Variants in TMEM135 observed in about 807,000 individuals in gnomAD.
TMEM135 encodes the protein peroxisomal membrane protein 52.
In TMEM135, 30 loss-of-function variants were observed where a neutral mutation model predicts 60.3. The ratio of observed to expected loss-of-function variants is 0.50; its 90% CI spans 0.37 to 0.68. TMEM135 has a LOEUF of 0.68. Among genes scored for constraint, TMEM135 ranks in the 30% least tolerant of loss-of-function variants. TMEM135 has a pLI of 0.00. For missense variants in TMEM135, 468 were observed against 548.8 expected, an observed-to-expected ratio of 0.85 and a Z score of 1.47; for synonymous variants, 190 against 186.7, an observed-to-expected ratio of 1.02 and a Z score of -0.14.
chr11:87,166,042 A>G (rs1305367706), intron 5 of TMEM135, among the ~76,000 whole-genome samples: 1 of 151,360 alleles, frequency 6.6e-6, no homozygotes, highest in African/African-American at 2.4e-5. Context: ...TAAACCAGGA[A>G]GAAGTTGAAT....
At chr11:87,094,333 GTC>G (rs1265872272) in intron 4 of TMEM135, among the ~76,000 whole-genome samples, 1 of 151,996 alleles carries the variant, frequency 6.6e-6, no homozygotes, top group East Asian at 1.9e-4. Flanking sequence ...CTTATTATTT[GTC>G]TCTCATTTTC....
intron 5 of TMEM135, among the ~76,000 whole-genome samples, chr11:87,203,330 C>G (rs1004059134): frequency 2.6e-5 from 4 of 151,938 alleles, no homozygotes; most frequent in African/African-American, 7.2e-5. Flanking sequence ...TATTTTTGCT[C>G]CCTCAAAAAT....
intron 6 of TMEM135, among the ~76,000 whole-genome samples, chr11:87,280,263 A>G (rs771401679): frequency 3.0e-4 from 46 of 152,224 alleles, no homozygotes; most frequent in Non-Finnish European, 5.0e-4. Flanking sequence ...AAAATAAACA[A>G]TGGAGTGAGA....
chr11:87,198,127 G>A (rs980887866), intron 5 of TMEM135, among the ~76,000 whole-genome samples: 3 of 152,024 alleles, frequency 2.0e-5, no homozygotes, highest in East Asian at 1.9e-4. Flanking sequence ...ACATAATACT[G>A]TTGCTAAATA....
At chr11:87,305,667 G>T (rs1028327498) in intron 8 of TMEM135, among the ~76,000 whole-genome samples, 2 of 151,934 alleles carry the variant, frequency 1.3e-5, no homozygotes, top group South Asian at 4.2e-4. Flanking sequence ...CCAGCTACTC[G>T]GGAGGCTGAG....
intron 5 of TMEM135, among the ~76,000 whole-genome samples, chr11:87,209,771 A>G (rs1427580484): frequency 6.6e-6 from 1 of 152,190 alleles, no homozygotes; most frequent in Non-Finnish European, 1.5e-5. Context: ...ATGCTTGGCC[A>G]TAAAGCAAGT....
At position 87,327,353 on chromosome 11, in the gene TMEM135, A is replaced by G. The variant is rs1477866230; in HGVS notation, c.*6020A>G. 4.4e-6 allele frequency: 2 copies of G among 453,764 alleles called. No individual in the cohort carries two copies. Among genetic ancestry groups the G allele is most frequent in the African/African-American group, 4.0e-5 (2 of 49,930 alleles). 28.1% of individuals were successfully genotyped at this position (453,764 alleles called of 1,614,324 possible). ...ATGAAAAGTACAAACATGAAAAACC[A>G]GCATATTAAAGATGCCAGGTCAGAA... On this transcript the variant is annotated 3_prime_UTR_variant, in exon 15 of 15. Coordinates refer to ENST00000305494, the MANE Select transcript of TMEM135 (RefSeq NM_022918.4).
At chr11:87,240,129 C>T (rs1043149143) in intron 6 of TMEM135, among the ~76,000 whole-genome samples, 3 of 152,044 alleles carry the variant, frequency 2.0e-5, no homozygotes, top group African/African-American at 7.2e-5. Flanking sequence ...AGCTGGCCTG[C>T]CAGCCATGTA....
intron 4 of TMEM135, among the ~76,000 whole-genome samples, chr11:87,092,790 G>A (rs1490474190): frequency 2.8e-5 from 1 of 35,456 alleles, no homozygotes; most frequent in African/African-American, 1.7e-4. Context: ...TTTGTTCTCT[G>A]TGGTTACTTT....
chr11:87,318,846 T>C (rs1366326279), intron 13 of TMEM135, among the ~76,000 whole-genome samples: 2 of 151,896 alleles, frequency 1.3e-5, no homozygotes, highest in Admixed American at 6.6e-5. Context: ...TTCACTTAAT[T>C]ATTATTTCAA....
chr11:87,087,603 C>A lies in TMEM135; in HGVS notation c.363-3759C>A, dbSNP rs577033913. 3.3e-5 allele frequency among the ~76,000 whole-genome samples: 5 copies of A among 152,214 alleles called. No individual in the cohort carries two copies. The South Asian group carries it at 1.0e-3, about 32-fold the overall frequency. On this transcript the variant is annotated intron_variant, in intron 3 of 14. Coordinates refer to ENST00000305494, the MANE Select transcript of TMEM135 (RefSeq NM_022918.4). Reference sequence around the variant, plus strand: ...TGTTACAAACAAGTCATGATAGGACCGAGTTGTTTGCAGAATAAACTTCAG... The same window carrying A: ...TGTTACAAACAAGTCATGATAGGACAGAGTTGTTTGCAGAATAAACTTCAG...
At chr11:87,303,773 C>G (rs1009567854) in intron 8 of TMEM135, among the ~76,000 whole-genome samples, 2 of 152,024 alleles carry the variant, frequency 1.3e-5, no homozygotes, top group African/African-American at 4.8e-5. Context: ...TTTGGGTTAC[C>G]TCAGTGGAGA....
At chr11:87,171,245 C>A (rs1471276178) in intron 5 of TMEM135, among the ~76,000 whole-genome samples, 2 of 151,998 alleles carry the variant, frequency 1.3e-5, no homozygotes, top group East Asian at 3.9e-4. Flanking sequence ...TTATAATTAT[C>A]CAGCTCATTC....
intron 5 of TMEM135, among the ~76,000 whole-genome samples, chr11:87,231,413 A>C (rs1591122699): frequency 6.6e-6 from 1 of 152,324 alleles, no homozygotes; most frequent in South Asian, 2.1e-4. Flanking sequence ...TAAAGTACAC[A>C]TAATGTTTTA....
At chr11:87,163,960 T>A (rs1436508301) in intron 5 of TMEM135, among the ~76,000 whole-genome samples, 1 of 148,980 alleles carries the variant, frequency 6.7e-6, no homozygotes, top group Non-Finnish European at 1.5e-5. Flanking sequence ...ATGAGTAGGT[T>A]GCGAAAATTT....
intron 3 of TMEM135, among the ~76,000 whole-genome samples, chr11:87,081,476 T>A (rs574746685): frequency 6.6e-6 from 1 of 152,162 alleles, no homozygotes; most frequent in South Asian, 2.1e-4. Flanking sequence ...ACTATTGGAT[T>A]TGTTTTTTGT....
At chr11:87,071,470 A>G (rs1856771782) in intron 2 of TMEM135, 53 bp from the exon 3 acceptor site, 1 of 1,357,796 alleles carries the variant, frequency 7.4e-7, no homozygotes, top group Admixed American at 1.7e-5. Context: ...ATTCATAATA[A>G]CTGAAGTGAC....
rs113668158 is a variant in TMEM135, at chr11:87,157,295, G to T, written c.397-46G>T. On this transcript the variant is annotated intron_variant, in intron 4 of 14. Coordinates refer to ENST00000305494, the MANE Select transcript of TMEM135 (RefSeq NM_022918.4). ...GGTGTGGGATATACAATTGAGGAGA[G>T]ATTGTAGATCATATATTTTTGCTGT... The T allele has an allele frequency of 1.2e-4, 178 of 1,514,044 alleles. No individual in the cohort carries two copies. In the African/African-American group the frequency reaches 2.0e-3, roughly 17 times the overall value. The allele number at this position is 1,514,044 out of a possible 1,614,324, so 93.8% of individuals were successfully genotyped here.
chr11:87,226,553 T>A (rs1940768052), intron 5 of TMEM135, among the ~76,000 whole-genome samples: 1 of 152,180 alleles, frequency 6.6e-6, no homozygotes, highest in Non-Finnish European at 1.5e-5. Context: ...ACTTACTGAG[T>A]ATTGAAAACT....
Sources: gnomAD v4.1 joint callset for allele counts (sites outside exome capture counted in the v4.1 genomes callset) on GRCh38, gnomAD v4.1.1 for gene constraint, MANE v1.5 for transcripts, NCBI Gene and HGNC (gene_info 2026-07-23, HGNC 2026-07-21) for gene names.